Variants in CDC14A observed in about 807,000 individuals in gnomAD.
CDC14A encodes the protein cell division cycle 14A.
CDC14A carries 53 observed loss-of-function variants against 74.4 expected under a neutral mutation model. That is an observed-to-expected ratio of 0.71 (90% CI 0.57 to 0.89). CDC14A has a LOEUF of 0.89. CDC14A is among the 40% of genes least tolerant of loss of function. The pLI is 0.00. For missense variants in CDC14A, 646 were observed against 713.7 expected (o/e 0.91, Z 1.08); for synonymous variants, 247 against 258.4 (o/e 0.96, Z 0.43).
chr1:100,490,888 A>G (rs1670542425), intron 11 of CDC14A, among the ~76,000 whole-genome samples: 1 of 152,252 alleles, frequency 6.6e-6, no homozygotes, highest in Non-Finnish European at 1.5e-5. Flanking sequence ...TGTATGCAGT[A>G]TTGACAAACG....
intron 3 of CDC14A, among the ~76,000 whole-genome samples, chr1:100,387,941 C>T (rs1278050170): frequency 6.6e-6 from 1 of 152,100 alleles, no homozygotes; most frequent in Non-Finnish European, 1.5e-5. Context: ...TCCCTTTCAG[C>T]AAGTAGATTT....
At chr1:100,430,810 T>C (rs1663564801) in intron 5 of CDC14A, among the ~76,000 whole-genome samples, 1 of 152,218 alleles carries the variant, frequency 6.6e-6, no homozygotes, top group South Asian at 2.1e-4. Context: ...TCCTCTTGAG[T>C]ATCAAAACTG....
Position 100,352,644 on chromosome 1 carries a change from T to C in CDC14A, c.-311T>C. On this transcript the variant is annotated 5_prime_UTR_variant, in exon 1 of 16. Transcript: ENST00000336454. ...GAAGACTTTGCCCTGCCCTGAGAGC[T>C]GGTCTGCGTTTCCCAGGCGCGGCGG... 2.4e-6 allele frequency: 3 copies of C among 1,247,750 alleles called. No individual in the cohort carries two copies. Among genetic ancestry groups the C allele is most frequent in the Non-Finnish European group, 3.0e-6 (3 of 993,310 alleles). 77.3% of individuals were successfully genotyped at this position (1,247,750 alleles called of 1,614,324 possible). A position where few individuals can be genotyped will look rare whatever the true frequency, so the allele number is the denominator to read the frequency against.
At chr1:100,383,455 G>A (rs565012125) in intron 3 of CDC14A, 2 of 152,654 alleles carry the variant, frequency 1.3e-5, no homozygotes, top group South Asian at 4.2e-4. Context: ...ACCATATTTT[G>A]TTTTGTACAG....
intron 15 of CDC14A, among the ~76,000 whole-genome samples, chr1:100,510,428 T>C (rs1336974319): frequency 6.6e-6 from 1 of 152,206 alleles, no homozygotes; most frequent in Non-Finnish European, 1.5e-5. Flanking sequence ...GAAAATTCAT[T>C]GAATAAACCT....
Position 100,466,593 on chromosome 1 carries a change from G to A in CDC14A, c.839-1363G>A, listed in dbSNP as rs1223740478. Reference sequence around the variant, plus strand: ...ACTTCTTAAAAAGGAAGGGTTAGCCGGGAGTGGTGGCCCACGCCTGTAATC... The same window carrying A: ...ACTTCTTAAAAAGGAAGGGTTAGCCAGGAGTGGTGGCCCACGCCTGTAATC... On this transcript the variant is annotated intron_variant, in intron 9 of 15. Coordinates refer to ENST00000336454, the MANE Select transcript of CDC14A (RefSeq NM_003672.4). Among the ~76,000 whole-genome samples, 7 of 152,200 alleles carry A rather than the reference G, an allele frequency of 4.6e-5. No individual in the cohort carries two copies. The East Asian group carries it at 1.2e-3, about 25-fold the overall frequency.
chr1:100,387,084 C>T (rs1316939577), intron 3 of CDC14A, among the ~76,000 whole-genome samples: 1 of 151,900 alleles, frequency 6.6e-6, no homozygotes, highest in Admixed American at 6.6e-5. Flanking sequence ...TTTTGTTACC[C>T]CTCAAATTTT....
At chr1:100,410,035 C>A (rs1660465277) in intron 4 of CDC14A, among the ~76,000 whole-genome samples, 1 of 151,878 alleles carries the variant, frequency 6.6e-6, no homozygotes, top group Non-Finnish European at 1.5e-5. Context: ...CATAGTGAAA[C>A]CTTGTCTGTA....
chr1:100,428,143 T>G (rs28579743), intron 5 of CDC14A, among the ~76,000 whole-genome samples: 20,830 of 152,104 alleles, frequency 0.14, 3,887 homozygotes, highest in African/African-American at 0.42. Flanking sequence ...TAGTTAAAAT[T>G]AACAAAAAAC....
At position 100,424,240 on chromosome 1, in the gene CDC14A, A is replaced by G. The variant is rs1662686393; in HGVS notation, c.328A>G (p.Thr110Ala). 2 of 1,612,590 alleles carry G rather than the reference A, an allele frequency of 1.2e-6. No homozygotes were observed. The highest frequency in any genetic ancestry group is 3.3e-5 in the Admixed American group (2 of 59,988). Residue 110 changes from threonine (T) to alanine (A), a missense_variant, in exon 5 of 16, where the codon ACA becomes GCA. Transcript: ENST00000336454. Reference protein sequence around the residue: ...GAYAVIYLKKTPEEAYRALLS... With the variant: ...GAYAVIYLKKAPEEAYRALLS... ...GTCTTAGGTAATCTATTTAAAGAAGACACCAGAAGAAGCCTACAGAGCACT... is the reference window on the plus strand; with the variant it reads ...GTCTTAGGTAATCTATTTAAAGAAGGCACCAGAAGAAGCCTACAGAGCACT...
intron 6 of CDC14A, among the ~76,000 whole-genome samples, chr1:100,442,581 G>A (rs1440254913): frequency 2.0e-5 from 3 of 151,468 alleles, no homozygotes; most frequent in African/African-American, 7.3e-5. Flanking sequence ...TAATCACTAT[G>A]ATCTATTCTG....
chr1:100,500,530 G>A (rs1648580313), intron 15 of CDC14A, among the ~76,000 whole-genome samples: 2 of 152,080 alleles, frequency 1.3e-5, no homozygotes, highest in African/African-American at 4.8e-5. Flanking sequence ...GGCCAAGGCT[G>A]GTGGATCACC....
intron 4 of CDC14A, among the ~76,000 whole-genome samples, chr1:100,420,055 C>CATATATATATAT (rs1158640575): frequency 1.4e-4 from 3 of 21,026 alleles, no homozygotes; most frequent in East Asian, 3.1e-3. Context: ...CACACACACA[C>CATATATATATAT]ACACACACAT....
At chr1:100,427,473 A>G (rs925522508) in intron 5 of CDC14A, among the ~76,000 whole-genome samples, 10 of 152,198 alleles carry the variant, frequency 6.6e-5, no homozygotes, top group Admixed American at 5.2e-4. Context: ...GCAAACATTT[A>G]TCTGAGCAGT....
At chr1:100,377,488 G>A (rs1168573931) in intron 2 of CDC14A, 58 bp from the exon 3 acceptor site, 1 of 1,095,856 alleles carries the variant, frequency 9.1e-7, no homozygotes, top group Non-Finnish European at 1.4e-6. Context: ...GAACATTGAT[G>A]TTACTGAAAA....
chr1:100,495,937 C>A, intron 12 of CDC14A, 65 bp from the exon 13 acceptor site: 2 of 1,309,334 alleles, frequency 1.5e-6, no homozygotes, highest in African/African-American at 1.5e-5. Flanking sequence ...ATTTGATGTG[C>A]CTTGTGGTCT....
intron 3 of CDC14A, among the ~76,000 whole-genome samples, chr1:100,380,992 A>G (rs184045449): frequency 1.7e-3 from 258 of 152,174 alleles, no homozygotes; most frequent in Non-Finnish European, 3.2e-3. Context: ...TTGTTTTCCC[A>G]TCATTCTCTG....
chr1:100,499,303 A>C, intron 15 of CDC14A, 41 bp downstream of exon 15: 1 of 1,614,178 alleles, frequency 6.2e-7, no homozygotes, highest in Non-Finnish European at 8.5e-7. Flanking sequence ...CAGAACCCTG[A>C]ATGCAACTTC....
upstream of CDC14A, among the ~76,000 whole-genome samples, chr1:100,351,428 T>G (rs1299470933): frequency 6.6e-6 from 1 of 152,238 alleles, no homozygotes; most frequent in Non-Finnish European, 1.5e-5. Flanking sequence ...TGGAAGGGAC[T>G]GCACTCTGAT....
Sources: allele counts gnomAD v4.1 joint callset (sites outside exome capture counted in the v4.1 genomes callset), GRCh38; gene constraint gnomAD v4.1.1; transcripts MANE v1.5; gene names NCBI Gene and HGNC (gene_info 2026-07-23, HGNC 2026-07-21).